CNTN5: variants seen among roughly 807,000 people sequenced by gnomAD.
CNTN5 encodes contactin-5.
Under a neutral mutation model 129.1 loss-of-function variants are expected in CNTN5, and 77 were observed. The observed-to-expected ratio is 0.60, with a 90% CI of 0.50 to 0.72. The LOEUF (loss-of-function observed/expected upper bound fraction) is 0.72, where lower values mean the gene tolerates loss of function less well. Ranked by LOEUF, CNTN5 falls within the 30% of genes least tolerant of loss-of-function variation. The pLI is 0.00. For synonymous variants in CNTN5, 509 were observed against 465.6 expected, an observed-to-expected ratio of 1.09 and a Z score of -1.20; for missense variants, 1,478 against 1,328.8, an observed-to-expected ratio of 1.11 and a Z score of -1.75.
chr11:99,893,453 A>G (rs1384991208), intron 6 of CNTN5, among the ~76,000 whole-genome samples: 2 of 152,178 alleles, frequency 1.3e-5, no homozygotes, highest in Admixed American at 6.5e-5. Context: ...TTGCGTTCAG[A>G]TAGTAATTCA....
intron 18 of CNTN5, among the ~76,000 whole-genome samples, chr11:100,276,677 T>G (rs1055669224): frequency 4.6e-5 from 7 of 152,018 alleles, no homozygotes; most frequent in African/African-American, 1.7e-4. Flanking sequence ...ACTTTTAATT[T>G]ATGTGGGTAT....
intron 8 of CNTN5, among the ~76,000 whole-genome samples, chr11:99,970,751 T>C (rs1358818173): frequency 6.6e-6 from 1 of 152,216 alleles, no homozygotes; most frequent in South Asian, 2.1e-4. Context: ...GTCATTGCTG[T>C]TGTTGTTTAT....
At chr11:99,105,828 G>A (rs1866969125) in intron 1 of CNTN5, among the ~76,000 whole-genome samples, 1 of 152,088 alleles carries the variant, frequency 6.6e-6, no homozygotes, top group Admixed American at 6.5e-5. Context: ...AGACAAGACA[G>A]TAATCTGAGG....
At chr11:99,610,530 A>G (rs1591357918) in intron 3 of CNTN5, among the ~76,000 whole-genome samples, 1 of 152,190 alleles carries the variant, frequency 6.6e-6, no homozygotes, top group South Asian at 2.1e-4. Flanking sequence ...AGTTTGTAAG[A>G]AGTCGAACTA....
intron 13 of CNTN5, among the ~76,000 whole-genome samples, chr11:100,162,425 T>C (rs919983875): frequency 1.3e-5 from 2 of 151,922 alleles, no homozygotes; most frequent in Admixed American, 6.6e-5. Context: ...ATTATTATTT[T>C]ATTATAAATT....
intron 21 of CNTN5, among the ~76,000 whole-genome samples, chr11:100,312,856 T>A (rs938185268): frequency 6.6e-6 from 1 of 152,076 alleles, no homozygotes; most frequent in African/African-American, 2.4e-5. Context: ...AGAACATCAA[T>A]AAGATAGATA....
intron 3 of CNTN5, among the ~76,000 whole-genome samples, chr11:99,673,420 CAG>C (rs1386399524): frequency 6.6e-6 from 1 of 152,094 alleles, no homozygotes; most frequent in Non-Finnish European, 1.5e-5. Flanking sequence ...GCATCAAGAA[CAG>C]TGTCTGATAT....
At chr11:99,321,226 G>A (rs1865556406) in intron 1 of CNTN5, among the ~76,000 whole-genome samples, 2 of 150,606 alleles carry the variant, frequency 1.3e-5, no homozygotes, top group South Asian at 4.2e-4. Context: ...ACACACACAC[G>A]TGTGCACATA....
intron 16 of CNTN5, among the ~76,000 whole-genome samples, chr11:100,251,246 G>A (rs1949956838): frequency 6.6e-6 from 1 of 152,100 alleles, no homozygotes; most frequent in Non-Finnish European, 1.5e-5. Context: ...TTCTCATGTA[G>A]ATGCTGGCTG....
intron 9 of CNTN5, among the ~76,000 whole-genome samples, chr11:100,002,638 T>G (rs1436545715): frequency 6.6e-6 from 1 of 152,138 alleles, no homozygotes. Context: ...ATGTACAACA[T>G]GTAATCATTT....
At chr11:99,840,932 A>G (rs1360150983) in intron 4 of CNTN5, among the ~76,000 whole-genome samples, 2 of 152,182 alleles carry the variant, frequency 1.3e-5, no homozygotes, top group East Asian at 3.9e-4. Context: ...AATGTATCTC[A>G]GTATATCTAT....
intron 8 of CNTN5, among the ~76,000 whole-genome samples, chr11:99,981,099 TATATACACAC>T (rs1565750408): frequency 1.7e-5 from 1 of 59,770 alleles, no homozygotes; most frequent in African/African-American, 7.8e-5. Context: ...TATATATATA[TATATACACAC>T]ACACACACAT....
intron 13 of CNTN5, among the ~76,000 whole-genome samples, chr11:100,145,547 T>A (rs1049532738): frequency 4.6e-5 from 7 of 152,178 alleles, no homozygotes; most frequent in African/African-American, 1.7e-4. Context: ...TGGGGAATCA[T>A]CACTACCTAA....
At chr11:99,283,445 G>A (rs889545646) in intron 1 of CNTN5, among the ~76,000 whole-genome samples, 4 of 151,654 alleles carry the variant, frequency 2.6e-5, no homozygotes, top group African/African-American at 7.3e-5. Flanking sequence ...CCCCATCTAC[G>A]TATCTAGTTT....
intron 3 of CNTN5, among the ~76,000 whole-genome samples, chr11:99,706,692 A>G (rs188702172): frequency 1.0e-3 from 158 of 151,652 alleles, no homozygotes; most frequent in African/African-American, 3.5e-3. Context: ...TGATGTATCA[A>G]CATTCTTACG....
At chr11:100,095,240 C>T (rs1944964293) in intron 13 of CNTN5, among the ~76,000 whole-genome samples, 1 of 151,990 alleles carries the variant, frequency 6.6e-6, no homozygotes, top group Non-Finnish European at 1.5e-5. Flanking sequence ...CAAGAAAAAC[C>T]TAGACTATGT....
intron 2 of CNTN5, among the ~76,000 whole-genome samples, chr11:99,488,363 G>A (rs922746556): frequency 2.3e-5 from 2 of 86,880 alleles, no homozygotes; most frequent in Non-Finnish European, 3.0e-5. Flanking sequence ...AGTAGAGACG[G>A]GGTTTCACCA....
In CNTN5 at chr11:100,299,306, C is replaced by G; in HGVS notation, c.2530C>G (p.Leu844Val). The G allele has an allele frequency of 1.2e-6, 2 of 1,610,656 alleles. No homozygotes were observed. The highest frequency in any genetic ancestry group is 1.7e-6 in the Non-Finnish European group (2 of 1,177,742). The change falls in exon 20 of 25, where the codon CTT (leucine) becomes GTT (valine). Residue 844 changes from leucine to valine, a missense_variant. Coordinates refer to ENST00000524871, the MANE Select transcript of CNTN5 (RefSeq NM_014361.4). ...TTATCGAGATGAAAGTGTCCCTCCT[C>G]TTACTCCCTTTGAAGTGAAAGTTGG... is the stretch of plus-strand genomic sequence containing the variant. ...FIYRDESVPPLTPFEVKVGVY... is the reference protein window; with the variant it reads ...FIYRDESVPPVTPFEVKVGVY...
At chr11:100,183,836 A>G (rs1050151861) in intron 13 of CNTN5, among the ~76,000 whole-genome samples, 3 of 152,146 alleles carry the variant, frequency 2.0e-5, no homozygotes, top group African/African-American at 7.2e-5. Context: ...AAAATTAAGA[A>G]CAAATGATTT....
Sources: allele counts gnomAD v4.1 joint callset (sites outside exome capture counted in the v4.1 genomes callset), GRCh38; gene constraint gnomAD v4.1.1; transcripts MANE v1.5; gene names NCBI Gene and HGNC (gene_info 2026-07-23, HGNC 2026-07-21).